Variants in OR3A2 observed in about 807,000 individuals in gnomAD.
The protein encoded by OR3A2 is olfactory receptor family 3 subfamily A member 2.
For synonymous variants in OR3A2, 126 were observed against 159.3 expected (o/e 0.79, Z 1.57); for missense variants, 318 against 392.8 (o/e 0.81, Z 1.61).
Position 3,311,252 on chromosome 17 carries a change from A to T in OR3A2, c.-85+24781T>A, listed in dbSNP as rs60532712. 6.9e-3 allele frequency: 3,701 copies of T among 535,370 alleles called. 110 individuals are homozygous for T. The highest frequency in any genetic ancestry group is 0.063 in the African/African-American group (3,272 of 51,992). The allele number at this position is 535,370 out of a possible 1,614,324, so 33.2% of individuals were successfully genotyped here. A position where few individuals can be genotyped will look rare whatever the true frequency, so the allele number is the denominator to read the frequency against. On this transcript the variant is annotated intron_variant, in intron 3 of 4. Coordinates refer to the OR3A2 transcript ENST00000573491. The surrounding 1 kb of genome is among the most constrained non-coding windows in gnomAD (Gnocchi z 4.6). ...GTTCCTCCGATGCTGGCGTGTCTCC[A>T]GGCCCACCAGTGCAGAGTTCCCTAT... is the stretch of plus-strand genomic sequence containing the variant.
At chr17:3,383,583 G>A (rs1336860969) in intron 2 of OR3A2, among the ~76,000 whole-genome samples, 4 of 152,100 alleles carry the variant, frequency 2.6e-5, no homozygotes, top group Non-Finnish European at 5.9e-5. Context: ...TGCCTAAGAG[G>A]AGTTTGGGGA....
At chr17:3,378,538 G>A (rs1250908313) in intron 2 of OR3A2, among the ~76,000 whole-genome samples, 1 of 152,096 alleles carries the variant, frequency 6.6e-6, no homozygotes, top group Non-Finnish European at 1.5e-5. Flanking sequence ...CTGCGCCTAG[G>A]AGTGTGGGGC....
intron 3 of OR3A2, among the ~76,000 whole-genome samples, chr17:3,293,929 G>A (rs554723106): frequency 6.6e-6 from 1 of 152,168 alleles, no homozygotes; most frequent in South Asian, 2.1e-4. Context: ...ACACAGACAG[G>A]GAAACAACAC....
intron 2 of OR3A2, among the ~76,000 whole-genome samples, chr17:3,349,307 C>T (rs554953270): frequency 2.0e-5 from 3 of 152,234 alleles, no homozygotes; most frequent in East Asian, 1.9e-4. Flanking sequence ...CAGAGACACA[C>T]ATAGACTCAA....
intron 3 of OR3A2, among the ~76,000 whole-genome samples, chr17:3,299,309 A>G (rs192310672): frequency 2.4e-4 from 36 of 152,258 alleles, no homozygotes; most frequent in African/African-American, 8.7e-4. Context: ...AAAAGGGAGA[A>G]GCTTTCTCCA....
At chr17:3,327,889 G>C (rs972297583) in intron 3 of OR3A2, among the ~76,000 whole-genome samples, 2 of 132,498 alleles carry the variant, frequency 1.5e-5, no homozygotes, top group African/African-American at 6.2e-5. Context: ...TTATTTCTGA[G>C]GGCTCTGTTC....
chr17:3,291,584 G>C, intron 3 of OR3A2: 1 of 1,438,410 alleles, frequency 7.0e-7, no homozygotes, highest in Non-Finnish European at 9.4e-7. Context: ...GGCTCTAGAA[G>C]ACTTTTCCTT....
chr17:3,288,246 C>CAAAAAAAAAAA, upstream of OR3A2, among the ~76,000 whole-genome samples: 64 of 73,356 alleles, frequency 8.7e-4, no homozygotes, highest in East Asian at 2.9e-3. Flanking sequence ...ACCAAAAGGG[C>CAAAAAAAAAAA]AAAAAAAAAA....
intron 2 of OR3A2, among the ~76,000 whole-genome samples, chr17:3,373,381 C>T (rs902018456): frequency 6.6e-6 from 1 of 152,196 alleles, no homozygotes; most frequent in African/African-American, 2.4e-5. Context: ...CTAGTGCTGT[C>T]AGTAGAGTAC....
chr17:3,311,329 T>C lies in OR3A2; in HGVS notation c.-85+24704A>G. 1 of 534,788 alleles carries C rather than the reference T, an allele frequency of 1.9e-6. No homozygotes were observed. The highest frequency in any genetic ancestry group is 3.8e-6 in the Non-Finnish European group (1 of 260,072). 33.1% of individuals were successfully genotyped at this position (534,788 alleles called of 1,614,324 possible). A position where few individuals can be genotyped will look rare whatever the true frequency, so the allele number is the denominator to read the frequency against. On this transcript the variant is annotated intron_variant, in intron 3 of 4. Coordinates refer to the OR3A2 transcript ENST00000573491. The surrounding 1 kb of genome is among the most constrained non-coding windows in gnomAD (Gnocchi z 4.6). Reference sequence around the variant, plus strand: ...TCCCCACCTCCTGGCTGGGGTGGACTGTCACCTCTTAATAGCCATGGCCTA... The same window carrying C: ...TCCCCACCTCCTGGCTGGGGTGGACCGTCACCTCTTAATAGCCATGGCCTA...
Position 3,348,201 on chromosome 17 carries a change from T to A in OR3A2, c.-178-12075A>T, listed in dbSNP as rs1480358491. Among the ~76,000 whole-genome samples, 7 of 152,304 alleles carry A rather than the reference T, an allele frequency of 4.6e-5. No individual in the cohort carries two copies. The East Asian group carries it at 1.4e-3, about 29-fold the overall frequency. ...TTTCTCCCATTTTGTAGGTTGCCTG[T>A]TCACTCTGATGGTAGTTTCTTTTGC... On this transcript the variant is annotated intron_variant, in intron 2 of 4. Transcript: ENST00000573491.
intron 2 of OR3A2, among the ~76,000 whole-genome samples, chr17:3,374,640 T>C (rs2049663816): frequency 6.6e-6 from 1 of 152,214 alleles, no homozygotes; most frequent in Admixed American, 6.5e-5. Flanking sequence ...AAATTGTGAT[T>C]ATCTTTTCTT....
intron 2 of OR3A2, among the ~76,000 whole-genome samples, chr17:3,372,226 G>C (rs889137165): frequency 3.3e-5 from 5 of 149,928 alleles, no homozygotes; most frequent in Non-Finnish European, 7.4e-5. Flanking sequence ...TCAGACGATG[G>C]GCGGCCGGGC....
intron 2 of OR3A2, among the ~76,000 whole-genome samples, chr17:3,373,959 G>A (rs2049656670): frequency 6.6e-6 from 1 of 152,164 alleles, no homozygotes; most frequent in Non-Finnish European, 1.5e-5. Flanking sequence ...ACCAGATCCA[G>A]AACTCCTTTT....
intron 2 of OR3A2, among the ~76,000 whole-genome samples, chr17:3,379,670 G>C (rs1384490383): frequency 6.6e-6 from 1 of 152,206 alleles, no homozygotes; most frequent in Non-Finnish European, 1.5e-5. Flanking sequence ...TCTTCCCCGA[G>C]CAGAGGAATC....
intron 1 of OR3A2, among the ~76,000 whole-genome samples, chr17:3,282,241 C>G (rs1302769728): frequency 6.6e-6 from 1 of 152,066 alleles, no homozygotes; most frequent in Non-Finnish European, 1.5e-5. Context: ...GGTGAAACCC[C>G]ATTCAATACA....
At chr17:3,378,110 G>A (rs2150668199) in intron 2 of OR3A2, among the ~76,000 whole-genome samples, 1 of 152,302 alleles carries the variant, frequency 6.6e-6, no homozygotes, top group East Asian at 1.9e-4. Context: ...GCCATCCCTG[G>A]CTTGAAGGTG....
In OR3A2 at chr17:3,386,242, G is replaced by A. The variant is rs1335626070; in HGVS notation, c.-392C>T. On this transcript the variant is annotated 5_prime_UTR_variant, in exon 1 of 5. In the 5' UTR this introduces an upstream ATG that the reference lacks. Coordinates refer to the OR3A2 transcript ENST00000573491. ...GTGCTTTGCCGAGATGTACTTCTTCGTGGCTCTGGGCATCACCGAGAGCTA... is the reference window on the plus strand; with the variant it reads ...GTGCTTTGCCGAGATGTACTTCTTCATGGCTCTGGGCATCACCGAGAGCTA... The A allele has an allele frequency of 1.3e-5, 5 of 398,552 alleles. No homozygotes were observed. The highest frequency in any genetic ancestry group is 2.1e-5 in the African/African-American group (1 of 48,592). 24.7% of individuals were successfully genotyped at this position (398,552 alleles called of 1,614,324 possible). A position where few individuals can be genotyped will look rare whatever the true frequency, so the allele number is the denominator to read the frequency against.
At chr17:3,302,420 A>T (rs2048972334) in intron 3 of OR3A2, among the ~76,000 whole-genome samples, 1 of 152,218 alleles carries the variant, frequency 6.6e-6, no homozygotes, top group Non-Finnish European at 1.5e-5. Flanking sequence ...AACAGAACAC[A>T]GCCCTCAGAA....
Sources: gnomAD v4.1 joint callset for allele counts (sites outside exome capture counted in the v4.1 genomes callset) on GRCh38, gnomAD v4.1.1 for gene constraint, Gnocchi (gnomAD v3.1) non-coding constraint, MANE v1.5 for transcripts, NCBI Gene and HGNC (gene_info 2026-07-23, HGNC 2026-07-21) for gene names.